The following PUM3 variants were observed in gnomAD, a reference collection of about 807,000 sequenced individuals.
PUM3 encodes pumilio RNA binding family member 3.
Under a neutral mutation model 84.0 loss-of-function variants are expected in PUM3, and 91 were observed. The ratio of observed to expected loss-of-function variants is 1.08; its 90% CI spans 0.91 to 1.29. The LOEUF (loss-of-function observed/expected upper bound fraction) is 1.29. Among genes scored for constraint, PUM3 ranks in the 50% most tolerant of loss-of-function variants. PUM3 has a pLI of 0.00. For missense variants in PUM3, 1,067 were observed against 767.5 expected, an observed-to-expected ratio of 1.39 and a Z score of -4.61; for synonymous variants, 321 against 266.7, an observed-to-expected ratio of 1.20 and a Z score of -1.98.
chr9:2,804,526 A>G (rs1821223120), intron 17 of PUM3, 63 bp from the exon 18 acceptor site: 8 of 1,478,332 alleles, frequency 5.4e-6, no homozygotes, highest in Non-Finnish European at 7.3e-6. Context: ...TACTACCTGT[A>G]CCAACAGTAA....
At chr9:2,806,431 T>C (rs1821259330) in intron 17 of PUM3, among the ~76,000 whole-genome samples, 2 of 152,202 alleles carry the variant, frequency 1.3e-5, no homozygotes, top group Admixed American at 6.5e-5. Context: ...ATCACGTATA[T>C]GTTGAAGAAA....
intron 7 of PUM3, among the ~76,000 whole-genome samples, chr9:2,830,375 CA>C (rs1815943907): frequency 6.6e-6 from 1 of 152,110 alleles, no homozygotes; most frequent in Non-Finnish European, 1.5e-5. Context: ...TTAATACACT[CA>C]AAAAGATTGG....
Position 2,830,936 on chromosome 9 carries a change from T to G in PUM3, c.677+26A>C, listed in dbSNP as rs772057787. 1.4e-5 allele frequency: 16 copies of G among 1,142,772 alleles called. No individual in the cohort carries two copies. The Admixed American group carries it at 3.0e-4, about 21-fold the overall frequency. The allele number at this position is 1,142,772 out of a possible 1,614,324, so 70.8% of individuals were successfully genotyped here. A position where few individuals can be genotyped will look rare whatever the true frequency, so the allele number is the denominator to read the frequency against. On this transcript the variant is annotated intron_variant, in intron 7 of 17. Coordinates refer to ENST00000397885, the MANE Select transcript of PUM3 (RefSeq NM_014878.5). ...ATGTCTTCAAAAGACAAAGAAAAAATGTATTTTATACATAAAACAACTTAC... is the reference window on the plus strand; with the variant it reads ...ATGTCTTCAAAAGACAAAGAAAAAAGGTATTTTATACATAAAACAACTTAC...
chr9:2,833,952 A>G (rs1816052121), intron 4 of PUM3, 79 bp downstream of exon 4: 3 of 1,430,404 alleles, frequency 2.1e-6, no homozygotes, highest in Non-Finnish European at 2.9e-6. Context: ...TTATTTTAGG[A>G]CATCTCACTA....
At position 2,811,517 on chromosome 9, in the gene PUM3, G is replaced by A. The variant is rs1821372323; in HGVS notation, c.1479C>T (p.Tyr493=). The stretch of plus-strand genomic sequence containing the variant: ...CCACTTCTTGGGCGTGTTCTTGCAG[G>A]TAGCTTAACAAAGCTGGAGAAATGG... The part of the protein sequence containing the change: ...LESISPALLS[Y]LQEHAQEVVL... The change falls in exon 15 of 18, where the codon TAC becomes TAT. Residue 493 remains tyrosine, a synonymous_variant. Coordinates refer to ENST00000397885, the MANE Select transcript of PUM3 (RefSeq NM_014878.5). The A allele has an allele frequency of 6.2e-7, 1 of 1,614,178 alleles. No individual in the cohort carries two copies. Among genetic ancestry groups the A allele is most frequent in the Admixed American group, 1.7e-5 (1 of 60,030 alleles).
intron 3 of PUM3, among the ~76,000 whole-genome samples, chr9:2,834,735 T>C (rs1320283874): frequency 6.6e-6 from 1 of 152,144 alleles, no homozygotes; most frequent in Non-Finnish European, 1.5e-5. Flanking sequence ...GAATTAGGAC[T>C]CAAACCTAGA....
intron 17 of PUM3, among the ~76,000 whole-genome samples, chr9:2,805,398 T>A (rs1230389025): frequency 6.6e-6 from 1 of 152,194 alleles, no homozygotes; most frequent in Admixed American, 6.5e-5. Flanking sequence ...TGTTCTCTTC[T>A]TTTTCGGGAC....
At chr9:2,837,440 C>T in intron 2 of PUM3, 39 bp from the exon 3 acceptor site, 2 of 1,359,428 alleles carry the variant, frequency 1.5e-6, no homozygotes, top group Non-Finnish European at 1.0e-6. Context: ...TGATTCTGGG[C>T]CCAAATCTCT....
chr9:2,819,735 T>A (rs1158846768), intron 13 of PUM3, among the ~76,000 whole-genome samples: 1 of 152,240 alleles, frequency 6.6e-6, no homozygotes, highest in Non-Finnish European at 1.5e-5. Context: ...GAATCACGTA[T>A]GTTCTAAAGT....
At chr9:2,804,623 C>T (rs1419429117) in intron 17 of PUM3, among the ~76,000 whole-genome samples, 160 bp from the exon 18 acceptor site, 1 of 152,130 alleles carries the variant, frequency 6.6e-6, no homozygotes, top group Non-Finnish European at 1.5e-5. Context: ...ACCAGTAGCC[C>T]ATATTATAAC....
intron 8 of PUM3, 90 bp downstream of exon 8, chr9:2,829,684 A>C (rs1815918822): frequency 9.2e-7 from 1 of 1,092,712 alleles, no homozygotes; most frequent in Non-Finnish European, 1.3e-6. Flanking sequence ...CACAGTAAAA[A>C]TACATTCAAA....
At chr9:2,831,496 A>G in intron 5 of PUM3, 152 bp from the exon 6 acceptor site, 1 of 616,018 alleles carries the variant, frequency 1.6e-6, no homozygotes, top group Non-Finnish European at 2.9e-6. Flanking sequence ...ACTTGTTTTA[A>G]TTATACAAAA....
intron 17 of PUM3, among the ~76,000 whole-genome samples, chr9:2,806,335 C>A (rs1821257648): frequency 6.6e-6 from 1 of 152,116 alleles, no homozygotes; most frequent in South Asian, 2.1e-4. Flanking sequence ...CAGAAATGAA[C>A]AAAATGATCT....
chr9:2,842,590 A>C (rs1816293818), intron 1 of PUM3, among the ~76,000 whole-genome samples: 1 of 152,048 alleles, frequency 6.6e-6, no homozygotes, highest in Non-Finnish European at 1.5e-5. Context: ...AGCATTCCTC[A>C]AATCTTTGCC....
Position 2,827,159 on chromosome 9 carries a change from CA to C in PUM3, c.957-9del. The stretch of plus-strand genomic sequence containing the variant: ...TGCTTAATCACAGCTTCCCTGAAAA[CA>C]GAAAAAAAAAGCAAAAAGACACAAC... On this transcript the variant is annotated splice_polypyrimidine_tract_variant and intron_variant, in intron 9 of 17. Transcript: ENST00000397885. 2.5e-6 allele frequency: 4 copies of C among 1,592,522 alleles called. No individual in the cohort carries two copies. Among genetic ancestry groups the C allele is most frequent in the Non-Finnish European group, 3.4e-6 (4 of 1,171,216 alleles).
chr9:2,805,753 A>C (rs1263334761), intron 17 of PUM3, among the ~76,000 whole-genome samples: 6 of 152,112 alleles, frequency 3.9e-5, no homozygotes. Context: ...GCATCATCCA[A>C]TCTAGTTTTC....
intron 3 of PUM3, among the ~76,000 whole-genome samples, chr9:2,836,535 T>C (rs1451414861): frequency 6.6e-6 from 1 of 152,188 alleles, no homozygotes; most frequent in Non-Finnish European, 1.5e-5. Flanking sequence ...CTGCCAATAC[T>C]TCCAATCAGT....
intron 12 of PUM3, among the ~76,000 whole-genome samples, chr9:2,820,634 A>G (rs1411227509): frequency 2.0e-5 from 3 of 152,182 alleles, no homozygotes; most frequent in African/African-American, 4.8e-5. Context: ...ATGATTTTTA[A>G]TTTTCTTTTC....
At chr9:2,837,459 T>A in intron 2 of PUM3, 58 bp from the exon 3 acceptor site, 1 of 1,123,188 alleles carries the variant, frequency 8.9e-7, no homozygotes, top group Non-Finnish European at 1.3e-6. Flanking sequence ...CTTTTATCTA[T>A]TGGATTATAT....
Sources: gnomAD v4.1 joint callset for allele counts (sites outside exome capture counted in the v4.1 genomes callset) on GRCh38, gnomAD v4.1.1 for gene constraint, MANE v1.5 for transcripts, NCBI Gene and HGNC (gene_info 2026-07-23, HGNC 2026-07-21) for gene names.